The following PACSIN2 variants were observed in gnomAD, a reference collection of about 807,000 sequenced individuals.
The protein encoded by PACSIN2 is protein kinase C and casein kinase substrate in neurons 2.
In PACSIN2, 25 loss-of-function variants were observed where a neutral mutation model predicts 63.8. The ratio of observed to expected loss-of-function variants is 0.39; its 90% CI spans 0.29 to 0.55. The LOEUF (loss-of-function observed/expected upper bound fraction) is 0.55. PACSIN2 is among the 20% of genes least tolerant of loss of function. The probability of loss-of-function intolerance (pLI) is 0.62; values close to 1 mark genes in which losing one functional copy is unlikely to be tolerated. For synonymous variants in PACSIN2, 255 were observed against 256.2 expected, an observed-to-expected ratio of 1.00 and a Z score of 0.05; for missense variants, 518 against 646.9, an observed-to-expected ratio of 0.80 and a Z score of 2.16.
intron 2 of PACSIN2, among the ~76,000 whole-genome samples, chr22:42,906,428 T>TA (rs1223955015): frequency 6.6e-5 from 10 of 152,208 alleles, no homozygotes; most frequent in Non-Finnish European, 1.5e-4. Flanking sequence ...ACCACCCATT[T>TA]AAAAACACGT....
intron 1 of PACSIN2, among the ~76,000 whole-genome samples, chr22:42,953,859 A>G (rs1933803587): frequency 6.6e-6 from 1 of 152,240 alleles, no homozygotes; most frequent in South Asian, 2.1e-4. Context: ...TTACAAGGAC[A>G]CTGGAGGAAA....
At chr22:42,909,279 CAGA>C (rs1469073267) in intron 2 of PACSIN2, 28 of 309,232 alleles carry the variant, frequency 9.1e-5, no homozygotes, top group Non-Finnish European at 1.2e-4. Context: ...CAGGGCCACA[CAGA>C]AGATGGCTCT....
chr22:42,871,335 C>CA lies in PACSIN2; in HGVS notation c.*21_*22insT, dbSNP rs764045473. 20 of 1,541,290 alleles carry CA rather than the reference C, an allele frequency of 1.3e-5. No homozygotes were observed. The highest frequency in any genetic ancestry group is 1.8e-5 in the Non-Finnish European group (20 of 1,113,752). ...TCCTGGGCCCGCCGCCTCCGTCCCC[C>CA]CGCTGGCCTGTCCCCGACTCATCAC... On this transcript the variant is annotated 3_prime_UTR_variant, in exon 11 of 11. Transcript: ENST00000263246. This position sits in a 1 kb window ranked among gnomAD's most constrained non-coding sequence, Gnocchi z 5.4.
At chr22:43,012,644 G>T (rs1233623451) in intron 1 of PACSIN2, among the ~76,000 whole-genome samples, 5 of 151,252 alleles carry the variant, frequency 3.3e-5, no homozygotes, top group African/African-American at 9.7e-5. Context: ...GCACCACTAC[G>T]CCAGACTAAT....
chr22:42,901,602 G>T (rs1373249231), intron 2 of PACSIN2, among the ~76,000 whole-genome samples: 1 of 152,218 alleles, frequency 6.6e-6, no homozygotes, highest in Non-Finnish European at 1.5e-5. Flanking sequence ...GGACCAAATG[G>T]CCCAGGATAG....
rs556272660 is a variant in PACSIN2 at position 42,916,332 on chromosome 22, C to T, written c.-77-4175G>A. ...ACAAGAATCTGCACCACAAAGAAAA[C>T]CCAACTGATTGTACAACCATGGCCA... is the stretch of plus-strand genomic sequence containing the variant. On this transcript the variant is annotated intron_variant, in intron 1 of 10. Coordinates refer to ENST00000263246, the MANE Select transcript of PACSIN2 (RefSeq NM_001184970.3). 6.6e-5 allele frequency among the ~76,000 whole-genome samples: 10 copies of T among 150,908 alleles called. No individual in the cohort carries two copies. The East Asian group carries it at 2.0e-3, about 30-fold the overall frequency.
chr22:43,008,078 T>C (rs1238266197), intron 1 of PACSIN2, among the ~76,000 whole-genome samples: 5 of 152,258 alleles, frequency 3.3e-5, no homozygotes. Context: ...CACTCCACAT[T>C]GAGTGATGCC....
chr22:42,871,429 G>A lies in PACSIN2; in HGVS notation c.1389C>T (p.Gly463=). 1.9e-6 allele frequency: 3 copies of A among 1,614,156 alleles called. No homozygotes were observed. Among genetic ancestry groups the A allele is most frequent in the South Asian group, 1.1e-5 (1 of 91,088 alleles). The change falls in exon 11 of 11, where the codon GGC becomes GGT. Residue 463 remains glycine (G), a synonymous_variant. Coordinates refer to ENST00000263246, the MANE Select transcript of PACSIN2 (RefSeq NM_001184970.3). This position sits in a 1 kb window ranked among gnomAD's most constrained non-coding sequence, Gnocchi z 5.4. ...CGTTGTCCAAGCGTCCCTTGCACCA[G>A]CCCTGCTCATCCTCGTCCTCCATCT... ...LTKMEDEDEQ[G]WCKGRLDNGQ... is the part of the protein sequence containing the mutation.
At chr22:42,879,722 T>C (rs1342823820) in intron 7 of PACSIN2, among the ~76,000 whole-genome samples, 1 of 152,204 alleles carries the variant, frequency 6.6e-6, no homozygotes, top group Non-Finnish European at 1.5e-5. Context: ...TGAGCAAGCC[T>C]GCCATGTGGA....
rs141715307 is a variant in PACSIN2, at chr22:42,966,236, G to C, written c.-78+48785C>G. On this transcript the variant is annotated intron_variant, in intron 1 of 10. Coordinates refer to ENST00000263246, the MANE Select transcript of PACSIN2 (RefSeq NM_001184970.3). ...AATACAAAAATTAGCAGGGTGTGGT[G>C]GTGTGCACCTGTAGTCCCAGCTACT... Among the ~76,000 whole-genome samples, 469 of 152,230 alleles carry C rather than the reference G, an allele frequency of 3.1e-3. 3 individuals are homozygous for C. Among genetic ancestry groups the C allele is most frequent in the African/African-American group, 0.011 (462 of 41,528 alleles).
chr22:42,885,147 T>C (rs1450172063), intron 5 of PACSIN2, among the ~76,000 whole-genome samples: 1 of 152,090 alleles, frequency 6.6e-6, no homozygotes, highest in Non-Finnish European at 1.5e-5. Context: ...AGGCAGGAAA[T>C]GTTAAAAAGC....
chr22:43,010,492 G>C (rs762847729), intron 1 of PACSIN2, among the ~76,000 whole-genome samples: 1 of 151,432 alleles, frequency 6.6e-6, no homozygotes, highest in Non-Finnish European at 1.5e-5. Context: ...GGCAGATCAC[G>C]AAGGTCAGGA....
chr22:43,014,372 C>A (rs1219294258), intron 1 of PACSIN2, among the ~76,000 whole-genome samples: 2 of 18,008 alleles, frequency 1.1e-4, no homozygotes, highest in African/African-American at 6.2e-4. Context: ...ACACCACCCC[C>A]CCCCCCCCGG....
At chr22:42,968,371 G>A (rs1412023327) in intron 1 of PACSIN2, among the ~76,000 whole-genome samples, 1 of 152,168 alleles carries the variant, frequency 6.6e-6, no homozygotes, top group Non-Finnish European at 1.5e-5. Context: ...AAATCGTGGT[G>A]CCAAGCATTC....
chr22:42,919,843 C>A (rs931438751), intron 1 of PACSIN2, among the ~76,000 whole-genome samples: 1 of 146,952 alleles, frequency 6.8e-6, no homozygotes. Flanking sequence ...CAGCCAGGCA[C>A]GGTGGTTCAC....
chr22:42,937,174 G>T (rs754174869), intron 1 of PACSIN2, among the ~76,000 whole-genome samples: 1 of 152,146 alleles, frequency 6.6e-6, no homozygotes, highest in Non-Finnish European at 1.5e-5. Context: ...AATAAGCGAG[G>T]ATGAGATAGG....
chr22:42,923,868 C>T (rs936969625), intron 1 of PACSIN2, among the ~76,000 whole-genome samples: 2 of 152,070 alleles, frequency 1.3e-5, no homozygotes, highest in African/African-American at 4.8e-5. Flanking sequence ...GAGATCCCAT[C>T]TCTAAAATAA....
intron 2 of PACSIN2, among the ~76,000 whole-genome samples, chr22:42,904,177 C>T (rs1322838801): frequency 6.6e-6 from 1 of 152,216 alleles, no homozygotes; most frequent in Non-Finnish European, 1.5e-5. Flanking sequence ...ACTAACTCTT[C>T]CTCAAGGCCG....
At chr22:42,948,675 T>C (rs1569511) in intron 1 of PACSIN2, among the ~76,000 whole-genome samples, 30,076 of 152,006 alleles carry the variant, frequency 0.2, 4,496 homozygotes, top group East Asian at 0.7. Flanking sequence ...GTACAAACCA[T>C]GAGAGGATTT....
Sources: gnomAD v4.1 joint callset for allele counts (sites outside exome capture counted in the v4.1 genomes callset) on GRCh38, gnomAD v4.1.1 for gene constraint, Gnocchi (gnomAD v3.1) non-coding constraint, MANE v1.5 for transcripts, NCBI Gene and HGNC (gene_info 2026-07-23, HGNC 2026-07-21) for gene names.